Variants in NDUFA13 observed in about 807,000 individuals in gnomAD.
NDUFA13 encodes NADH:ubiquinone oxidoreductase subunit A13.
NDUFA13 carries 16 observed loss-of-function variants against 17.0 expected under a neutral mutation model. The ratio of observed to expected loss-of-function variants is 0.94; its 90% CI spans 0.64 to 1.43. The LOEUF (loss-of-function observed/expected upper bound fraction) is 1.43, where lower values mean the gene tolerates loss of function less well. Among genes scored for constraint, NDUFA13 ranks in the 40% most tolerant of loss-of-function variants. The pLI, the probability that NDUFA13 is intolerant of heterozygous loss-of-function variation, is 0.00. For synonymous variants in NDUFA13, 87 were observed against 78.4 expected (o/e 1.11, Z -0.58); for missense variants, 228 against 206.7 (o/e 1.10, Z -0.63).
At chr19:19,522,410 CAG>C (rs1176964221) in intron 1 of NDUFA13, among the ~76,000 whole-genome samples, 1 of 150,064 alleles carries the variant, frequency 6.7e-6, no homozygotes, top group African/African-American at 2.5e-5. Flanking sequence ...TTTGAGGTCA[CAG>C]AGAGTGACTT....
chr19:19,527,623 G>A, intron 3 of NDUFA13, 78 bp from the exon 4 acceptor site: 2 of 1,178,800 alleles, frequency 1.7e-6, no homozygotes, highest in Non-Finnish European at 2.5e-6. Flanking sequence ...AGGCTTGAAG[G>A]GGTGCTACTA....
intron 1 of NDUFA13, among the ~76,000 whole-genome samples, chr19:19,521,144 T>C (rs994201083): frequency 6.6e-6 from 1 of 152,244 alleles, no homozygotes; most frequent in Admixed American, 6.5e-5. Context: ...CATTTTGTGC[T>C]TCCACCTGCA....
Position 19,516,317 on chromosome 19 carries a change from C to T in NDUFA13, c.79C>T (p.Arg27Cys), listed in dbSNP as rs765352585. 6.2e-7 allele frequency: 1 copy of T among 1,613,632 alleles called. No individual in the cohort carries two copies. The highest frequency in any genetic ancestry group is 1.7e-5 in the Admixed American group (1 of 60,016). Reference sequence around the variant, plus strand: ...CATCGACTACAAACGGAACTTGCCGCGTCGAGGACTGTCGGGTCAGTATCA... The same window carrying T: ...CATCGACTACAAACGGAACTTGCCGTGTCGAGGACTGTCGGGTCAGTATCA... ...GPIDYKRNLP[R>C]RGLSGYSMLA... The change falls in exon 1 of 5, where the codon CGT (arginine) becomes TGT (cysteine). Residue 27 changes from arginine (R) to cysteine (C), a missense_variant. Coordinates refer to ENST00000507754, the MANE Select transcript of NDUFA13 (RefSeq NM_015965.7).
intron 1 of NDUFA13, among the ~76,000 whole-genome samples, chr19:19,520,416 G>C (rs370489471): frequency 1.0e-3 from 153 of 152,296 alleles, no homozygotes; most frequent in African/African-American, 3.6e-3. Flanking sequence ...GATCACCTGA[G>C]CTCAGGAGTT....
intron 4 of NDUFA13, 97 bp from the exon 5 acceptor site, chr19:19,527,910 G>T (rs769287384): frequency 1.3e-6 from 2 of 1,516,036 alleles, no homozygotes; most frequent in Non-Finnish European, 1.8e-6. Context: ...AGGCTGTAGC[G>T]CCTGCCACGC....
intron 1 of NDUFA13, among the ~76,000 whole-genome samples, chr19:19,522,477 C>CTT (rs3067694): frequency 0.011 from 1,031 of 94,944 alleles, 118 homozygotes; most frequent in African/African-American, 0.046. Context: ...GTCTTTGATC[C>CTT]TTTTTTTTTT....
At chr19:19,525,675 T>C (rs2061096377) in intron 1 of NDUFA13, among the ~76,000 whole-genome samples, 1 of 152,110 alleles carries the variant, frequency 6.6e-6, no homozygotes, top group Non-Finnish European at 1.5e-5. Flanking sequence ...TCAGTAAATA[T>C]TCATGATGGC....
At chr19:19,517,764 T>TG (rs2061056860) in intron 1 of NDUFA13, among the ~76,000 whole-genome samples, 1 of 151,862 alleles carries the variant, frequency 6.6e-6, no homozygotes, top group South Asian at 2.1e-4. Flanking sequence ...TGGGCTCAAG[T>TG]GATCCTCCAG....
intron 1 of NDUFA13, among the ~76,000 whole-genome samples, chr19:19,524,695 A>G (rs2061092756): frequency 6.6e-6 from 1 of 151,716 alleles, no homozygotes; most frequent in Non-Finnish European, 1.5e-5. Flanking sequence ...AGTCCCAACT[A>G]CTCCGGAGGC....
chr19:19,522,477 CT>C (rs3067694), intron 1 of NDUFA13, among the ~76,000 whole-genome samples: 1,848 of 94,984 alleles, frequency 0.019, 27 homozygotes, highest in Non-Finnish European at 0.028. Context: ...GTCTTTGATC[CT>C]TTTTTTTTTT....
chr19:19,523,669 G>A (rs2061088405), intron 1 of NDUFA13, among the ~76,000 whole-genome samples: 1 of 152,132 alleles, frequency 6.6e-6, no homozygotes, highest in Non-Finnish European at 1.5e-5. Flanking sequence ...GCTCATGCCT[G>A]TAATCCTAGC....
chr19:19,519,302 G>A (rs2061065608), intron 1 of NDUFA13, among the ~76,000 whole-genome samples: 1 of 152,162 alleles, frequency 6.6e-6, no homozygotes, highest in Non-Finnish European at 1.5e-5. Flanking sequence ...CCAGGCCACA[G>A]AAGGACCTCA....
chr19:19,519,077 G>A (rs910960687), intron 1 of NDUFA13, among the ~76,000 whole-genome samples: 30 of 101,218 alleles, frequency 3.0e-4, no homozygotes, highest in South Asian at 1.3e-3. Context: ...TTTTAGTAGT[G>A]ACAGGGTTTC....
intron 1 of NDUFA13, among the ~76,000 whole-genome samples, chr19:19,525,762 C>T (rs926096354): frequency 2.6e-5 from 4 of 152,052 alleles, no homozygotes; most frequent in African/African-American, 9.7e-5. Context: ...CCCTAGAGTC[C>T]GGGGGGTGGC....
In NDUFA13 at chr19:19,522,395, C is replaced by T. The variant is rs180719660; in HGVS notation, c.95-3787C>T. On this transcript the variant is annotated intron_variant, in intron 1 of 4. Transcript: ENST00000507754. Reference sequence around the variant, plus strand: ...TGCTTCTGGTGTCATATCTAAGAAACCTAGTTTGAGGTCACAGAGAGTGAC... The same window carrying T: ...TGCTTCTGGTGTCATATCTAAGAAATCTAGTTTGAGGTCACAGAGAGTGAC... Among the ~76,000 whole-genome samples, 43 of 151,166 alleles carry T rather than the reference C, an allele frequency of 2.8e-4. 1 individual carries two copies. The highest frequency in any genetic ancestry group is 9.9e-4 in the Admixed American group (15 of 15,192).
intron 3 of NDUFA13, 36 bp downstream of exon 3, chr19:19,527,388 G>C: frequency 6.2e-7 from 1 of 1,611,042 alleles, no homozygotes; most frequent in Non-Finnish European, 8.5e-7. Flanking sequence ...GAGGTCACTG[G>C]CCGGAAGGCC....
rs1187588857 is a variant in NDUFA13 at position 19,527,320 on chromosome 19, G to A, written c.213G>A (p.Leu71=). Residue 71 remains leucine, a synonymous_variant, in exon 3 of 5, where the codon CTG becomes CTA. Transcript: ENST00000507754. ...AGGACTTCGAGGCTCGCATCGCGCT[G>A]TTGCCACTGTTACAGGCAGAAACCG... is the stretch of plus-strand genomic sequence containing the variant. The part of the protein sequence containing the change: ...QIEDFEARIA[L]LPLLQAETDR... 4 of 1,613,866 alleles carry A rather than the reference G, an allele frequency of 2.5e-6. No individual in the cohort carries two copies. The highest frequency in any genetic ancestry group is 1.3e-5 in the African/African-American group (1 of 74,948).
intron 2 of NDUFA13, 30 bp from the exon 3 acceptor site, chr19:19,527,251 G>T: frequency 1.2e-6 from 2 of 1,613,412 alleles, no homozygotes; most frequent in South Asian, 2.2e-5. Context: ...AGCCTGGTCT[G>T]ACCTGAGTGT....
intron 1 of NDUFA13, among the ~76,000 whole-genome samples, 181 bp downstream of exon 1, chr19:19,516,513 C>T (rs1223397666): frequency 6.6e-6 from 1 of 152,230 alleles, no homozygotes; most frequent in Non-Finnish European, 1.5e-5. Context: ...TTTCCCAGCT[C>T]CTCTTCCTTC....
Sources: allele counts gnomAD v4.1 joint callset (sites outside exome capture counted in the v4.1 genomes callset), GRCh38; gene constraint gnomAD v4.1.1; transcripts MANE v1.5; gene names NCBI Gene and HGNC (gene_info 2026-07-23, HGNC 2026-07-21).